The following GCAT variants were observed in gnomAD, a reference collection of about 807,000 sequenced individuals.
The protein encoded by GCAT is 2-amino-3-ketobutyrate coenzyme A ligase, mitochondrial.
Under a neutral mutation model 39.7 loss-of-function variants are expected in GCAT, and 26 were observed. That is an observed-to-expected ratio of 0.65 (90% CI 0.48 to 0.91). The LOEUF (loss-of-function observed/expected upper bound fraction) is 0.91, where lower values mean the gene tolerates loss of function less well. Among genes scored for constraint, GCAT ranks in the 40% least tolerant of loss-of-function variants. The probability of loss-of-function intolerance (pLI) is 0.00; values close to 1 mark genes in which losing one functional copy is unlikely to be tolerated. For missense variants in GCAT, 550 were observed against 576.2 expected, an observed-to-expected ratio of 0.95 and a Z score of 0.47; for synonymous variants, 218 against 237.2, an observed-to-expected ratio of 0.92 and a Z score of 0.74.
chr22:37,813,712 C>T lies in GCAT; in HGVS notation c.576+103C>T, dbSNP rs1921863780. 2.7e-6 allele frequency: 3 copies of T among 1,101,168 alleles called. No homozygotes were observed. In the South Asian group the frequency reaches 4.8e-5, roughly 18 times the overall value. The allele number at this position is 1,101,168 out of a possible 1,614,324, so 68.2% of individuals were successfully genotyped here. A position where few individuals can be genotyped will look rare whatever the true frequency, so the allele number is the denominator to read the frequency against. ...ACAGAGATAGCCTGAAAGTTTGAAA[C>T]AGCAGAGATTTGTCCAAGATGTGAA... On this transcript the variant is annotated intron_variant, in intron 4 of 8. Transcript: ENST00000248924.
chr22:37,813,538 T>C lies in GCAT; in HGVS notation c.505T>C (p.Cys169Arg). 1 of 1,613,614 alleles carries C rather than the reference T, an allele frequency of 6.2e-7. No homozygotes were observed. Among genetic ancestry groups the C allele is most frequent in the Non-Finnish European group, 8.5e-7 (1 of 1,179,980 alleles). ...HASIIDGIRL[C>R]KAHKYRYRHL... ...CTCCATCATCGACGGCATCCGGCTG[T>C]GCAAGGCCCACAAGTACCGCTATCG... is the stretch of plus-strand genomic sequence containing the variant. The change falls in exon 4 of 9, where the codon TGC becomes CGC. Residue 169 changes from cysteine to arginine, a missense_variant. By Grantham distance (180) the Cys-to-Arg change is radical (BLOSUM62 -3). Coordinates refer to ENST00000248924, the MANE Select transcript of GCAT (RefSeq NM_014291.4).
rs1601702722 is a variant in GCAT at position 37,815,419 on chromosome 22, G to A, written c.733G>A (p.Gly245Ser). The A allele has an allele frequency of 1.9e-6, 3 of 1,610,190 alleles. No individual in the cohort carries two copies. The Admixed American group carries it at 5.0e-5, about 27-fold the overall frequency. The change falls in exon 6 of 9, where the codon GGC becomes AGC. Residue 245 changes from glycine to serine, a missense_variant and splice_region_variant. By Grantham distance (56) the Gly-to-Ser change is moderately conservative (BLOSUM62 0). Transcript: ENST00000248924. ...ATGFLGPTGR[G>S]TDELLGVMDQ... The stretch of plus-strand genomic sequence containing the variant: ...CAGCAGCGGTGGCTTCCCTTGCAGG[G>A]GCACAGATGAGCTGCTGGGTGTGAT...
At chr22:37,816,958 G>A (rs1389120322), downstream of GCAT, 2 of 495,830 alleles carry the variant, frequency 4.0e-6, no homozygotes, top group Non-Finnish European at 7.3e-6. Context: ...TGAAGAATCA[G>A]GCAGGAGCCA....
At chr22:37,815,586 A>T in intron 6 of GCAT, 77 bp from the exon 7 acceptor site, 1 of 1,484,382 alleles carries the variant, frequency 6.7e-7, no homozygotes, top group South Asian at 1.2e-5. Flanking sequence ...GGCAGCATGG[A>T]CTGTACTTTC....
intron 2 of GCAT, among the ~76,000 whole-genome samples, chr22:37,811,912 C>T (rs953041065): frequency 6.7e-6 from 1 of 148,632 alleles, no homozygotes; most frequent in African/African-American, 2.5e-5. Context: ...AGTATTAACT[C>T]ATTAATCCTA....
Position 37,815,670 on chromosome 22 carries a change from C to T in GCAT, c.822C>T (p.Tyr274=). 4.3e-6 allele frequency: 7 copies of T among 1,610,416 alleles called. No homozygotes were observed. The highest frequency in any genetic ancestry group is 5.9e-6 in the Non-Finnish European group (7 of 1,177,606). Residue 274 remains tyrosine (Y), a synonymous_variant, in exon 7 of 9, where the codon TAC becomes TAT. Coordinates refer to ENST00000248924, the MANE Select transcript of GCAT (RefSeq NM_014291.4). The part of the protein sequence containing the change: ...GKALGGASGG[Y]TTGPGPLVSL... The stretch of plus-strand genomic sequence containing the variant: ...CTCTTCCCTTCTTCTCAGGGGGCTA[C>T]ACGACAGGGCCTGGGCCCCTGGTGT...
At chr22:37,808,290 G>A in intron 1 of GCAT, 127 bp downstream of exon 1, 2 of 700,794 alleles carry the variant, frequency 2.9e-6, no homozygotes, top group Non-Finnish European at 2.2e-6. Context: ...CTCTCAGGGC[G>A]ACTTTATGGC....
chr22:37,813,102 C>T (rs1172618896), intron 3 of GCAT, 114 bp downstream of exon 3: 1 of 773,804 alleles, frequency 1.3e-6, no homozygotes, highest in Non-Finnish European at 2.2e-6. Context: ...CCTAGAGGCT[C>T]CAGAGCCCGC....
intron 4 of GCAT, among the ~76,000 whole-genome samples, 177 bp downstream of exon 4, chr22:37,813,786 G>A (rs1041095058): frequency 6.6e-6 from 1 of 150,804 alleles, no homozygotes; most frequent in Non-Finnish European, 1.5e-5. Flanking sequence ...TTTTCCCTGA[G>A]ACAGAGTTTC....
At position 37,811,801 on chromosome 22, in the gene GCAT, A is replaced by G. The variant is rs376745953; in HGVS notation, c.328-1086A>G. On this transcript the variant is annotated intron_variant, in intron 2 of 8. Transcript: ENST00000248924. ...TAGCTGGCCGGGCTCGCTTGAACCC[A>G]TGAGGCAGGGGTTGCAGTGAGCCAC... Among the ~76,000 whole-genome samples the G allele has an allele frequency of 2.3e-4, 34 of 149,454 alleles. 1 individual carries two copies. The East Asian group carries it at 2.6e-3, about 11-fold the overall frequency.
At chr22:37,813,685 T>C in intron 4 of GCAT, 76 bp downstream of exon 4, 1 of 1,349,584 alleles carries the variant, frequency 7.4e-7, no homozygotes, top group South Asian at 1.4e-5. Context: ...AACTCCTCAC[T>C]CACAGAGATA....
intron 7 of GCAT, 69 bp from the exon 8 acceptor site, chr22:37,816,131 G>T (rs1922165705): frequency 1.3e-6 from 2 of 1,568,446 alleles, no homozygotes; most frequent in South Asian, 1.2e-5. Context: ...CCTCGGGCCT[G>T]GTCCCTGCAA....
chr22:37,811,111 G>A (rs1433293008), intron 2 of GCAT, among the ~76,000 whole-genome samples: 4 of 152,084 alleles, frequency 2.6e-5, no homozygotes, highest in African/African-American at 9.7e-5. Flanking sequence ...ACTTTTCTCT[G>A]TCTCAATTAC....
chr22:37,815,531 C>T, intron 6 of GCAT, 31 bp downstream of exon 6: 1 of 1,578,774 alleles, frequency 6.3e-7, no homozygotes, highest in Non-Finnish European at 8.7e-7. Context: ...CTGGGGTCCC[C>T]TTGTCCTTTT....
chr22:37,808,441 C>T (rs1428475253), intron 1 of GCAT, among the ~76,000 whole-genome samples: 1 of 152,250 alleles, frequency 6.6e-6, no homozygotes, highest in Non-Finnish European at 1.5e-5. Flanking sequence ...CTGCTAACTT[C>T]TAGACGCAGG....
chr22:37,810,210 C>A, intron 2 of GCAT, 53 bp downstream of exon 2: 2 of 1,329,876 alleles, frequency 1.5e-6, no homozygotes, highest in Non-Finnish European at 2.2e-6. Flanking sequence ...TGCCTGCTTC[C>A]CACAGTCAGC....
intron 6 of GCAT, 51 bp from the exon 7 acceptor site, chr22:37,815,612 A>C: frequency 6.7e-7 from 1 of 1,496,766 alleles, no homozygotes; most frequent in South Asian, 1.1e-5. Context: ...GGGGTTGGGT[A>C]GGCTCTGGCC....
At chr22:37,809,183 G>C (rs991729906) in intron 1 of GCAT, among the ~76,000 whole-genome samples, 4 of 152,196 alleles carry the variant, frequency 2.6e-5, no homozygotes, top group Admixed American at 2.6e-4. Flanking sequence ...GCTTAGAGCC[G>C]GTCAAAAGAT....
In GCAT at chr22:37,813,321, G is replaced by T. The variant is rs767850425; in HGVS notation, c.430-142G>T. 1.4e-5 allele frequency: 13 copies of T among 948,828 alleles called. No individual in the cohort carries two copies. The African/African-American group carries it at 1.9e-4, about 14-fold the overall frequency. 58.8% of individuals were successfully genotyped at this position (948,828 alleles called of 1,614,324 possible). On this transcript the variant is annotated intron_variant, in intron 3 of 8. Coordinates refer to ENST00000248924, the MANE Select transcript of GCAT (RefSeq NM_014291.4). The stretch of plus-strand genomic sequence containing the variant: ...CCGGCACTGAGACACGGGGGCCCCA[G>T]AGAGAAGCACAGAACACCTTGCCTC...
Sources: gnomAD v4.1 joint callset for allele counts (sites outside exome capture counted in the v4.1 genomes callset) on GRCh38, gnomAD v4.1.1 for gene constraint, MANE v1.5 for transcripts, NCBI Gene and HGNC (gene_info 2026-07-23, HGNC 2026-07-21) for gene names.